The following CDH4 variants were observed in gnomAD, a reference collection of about 807,000 sequenced individuals.
CDH4 encodes cadherin 4.
A neutral mutation model predicts 86.0 loss-of-function variants in CDH4; 33 were observed. The ratio of observed to expected loss-of-function variants is 0.38; its 90% CI spans 0.29 to 0.51. The LOEUF (loss-of-function observed/expected upper bound fraction) is 0.51. Among genes scored for constraint, CDH4 ranks in the 20% least tolerant of loss-of-function variants. CDH4 has a pLI of 0.86. For missense variants in CDH4, 1,114 were observed against 1,307.4 expected (o/e 0.85, Z 2.28); for synonymous variants, 555 against 549.4 (o/e 1.01, Z -0.14).
At chr20:61,734,336 A>G (rs143543119) in intron 2 of CDH4, among the ~76,000 whole-genome samples, 79 of 152,368 alleles carry the variant, frequency 5.2e-4, no homozygotes, top group East Asian at 1.5e-3. Context: ...AACTGGCCCA[A>G]GCCTGGGCAG....
intron 2 of CDH4, among the ~76,000 whole-genome samples, chr20:61,596,626 C>G (rs1460539081): frequency 6.6e-6 from 1 of 152,160 alleles, no homozygotes; most frequent in Non-Finnish European, 1.5e-5. Context: ...CGGGTTGTAC[C>G]ACATCTTGAA....
intron 3 of CDH4, among the ~76,000 whole-genome samples, chr20:61,767,444 G>A (rs1047119470): frequency 1.6e-4 from 24 of 152,226 alleles, no homozygotes; most frequent in African/African-American, 4.3e-4. Flanking sequence ...GTTCCCTGCC[G>A]TGTGGAGTGT....
chr20:61,594,212 C>T (rs1412584580), intron 2 of CDH4, among the ~76,000 whole-genome samples: 2 of 92,174 alleles, frequency 2.2e-5, no homozygotes, highest in African/African-American at 4.5e-5. Flanking sequence ...GGAAAGGGGT[C>T]AGGGTGAAGA....
intron 2 of CDH4, among the ~76,000 whole-genome samples, chr20:61,263,171 C>T (rs2084137484): frequency 1.3e-5 from 2 of 152,126 alleles, no homozygotes; most frequent in African/African-American, 4.8e-5. Context: ...CAGGCTCCTT[C>T]AGTCCCCAGA....
intron 2 of CDH4, among the ~76,000 whole-genome samples, chr20:61,436,836 G>A (rs1258722301): frequency 3.9e-5 from 6 of 152,164 alleles, no homozygotes; most frequent in Non-Finnish European, 8.8e-5. Context: ...GGGGCCAACA[G>A]TGAGTCACTT....
At chr20:61,531,495 A>G (rs978509332) in intron 2 of CDH4, among the ~76,000 whole-genome samples, 6 of 89,016 alleles carry the variant, frequency 6.7e-5, no homozygotes, top group East Asian at 5.3e-4. Flanking sequence ...AAAAAAAAAA[A>G]GGGATTTAGC....
chr20:61,736,191 G>C (rs1230939051), intron 2 of CDH4, among the ~76,000 whole-genome samples: 1 of 152,144 alleles, frequency 6.6e-6, no homozygotes, highest in Non-Finnish European at 1.5e-5. Context: ...GCTGGCCGAG[G>C]GTCTTCCTGA....
chr20:61,604,981 G>A (rs2086631473), intron 2 of CDH4, among the ~76,000 whole-genome samples: 2 of 152,202 alleles, frequency 1.3e-5, no homozygotes, highest in Admixed American at 6.5e-5. Context: ...GCTTGCTGGG[G>A]TCTGGGTGAA....
At chr20:61,320,233 A>G (rs757916263) in intron 2 of CDH4, among the ~76,000 whole-genome samples, 1 of 152,044 alleles carries the variant, frequency 6.6e-6, no homozygotes, top group Non-Finnish European at 1.5e-5. Context: ...ATGCATGCTG[A>G]CTGTGTCTTC....
At chr20:61,556,815 G>A (rs1013800333) in intron 2 of CDH4, among the ~76,000 whole-genome samples, 1 of 152,158 alleles carries the variant, frequency 6.6e-6, no homozygotes, top group African/African-American at 2.4e-5. Flanking sequence ...TGTCAGACAA[G>A]GAGGGTGAAA....
chr20:61,934,778 CAG>C (rs1027396166), intron 15 of CDH4, among the ~76,000 whole-genome samples: 1 of 151,390 alleles, frequency 6.6e-6, no homozygotes, highest in Non-Finnish European at 1.5e-5. Context: ...GGGAGCCACA[CAG>C]AGGTGGCTGC....
intron 2 of CDH4, among the ~76,000 whole-genome samples, chr20:61,373,981 T>C (rs1034111327): frequency 6.7e-6 from 1 of 149,820 alleles, no homozygotes; most frequent in Non-Finnish European, 1.5e-5. Flanking sequence ...TGGTGTTCTC[T>C]AGAGGTGGGG....
At position 61,516,764 on chromosome 20, in the gene CDH4, C is replaced by T. The variant is rs552953408; in HGVS notation, c.170-226799C>T. 1.3e-5 allele frequency among the ~76,000 whole-genome samples: 2 copies of T among 152,272 alleles called. No individual in the cohort carries two copies. Among genetic ancestry groups the T allele is most frequent in the Admixed American group, 1.3e-4 (2 of 15,294 alleles). Reference sequence around the variant, plus strand: ...GCACTAAAAATAACCAGGCTCCGTTCCCAGGTCAGTGAGTGTCGGTTTGGC... The same window carrying T: ...GCACTAAAAATAACCAGGCTCCGTTTCCAGGTCAGTGAGTGTCGGTTTGGC... On this transcript the variant is annotated intron_variant, in intron 2 of 15. Transcript: ENST00000614565. This position sits in a 1 kb window ranked among gnomAD's most constrained non-coding sequence, Gnocchi z 4.0.
intron 4 of CDH4, among the ~76,000 whole-genome samples, chr20:61,795,826 C>CATGAGTGAATGAATGA (rs1555839795): frequency 3.3e-5 from 1 of 30,742 alleles, no homozygotes; most frequent in East Asian, 8.6e-4. Context: ...AGCAATGTTG[C>CATGAGTGAATGAATGA]ATGAGTGAAT....
intron 2 of CDH4, among the ~76,000 whole-genome samples, chr20:61,730,790 C>T (rs536422423): frequency 1.9e-3 from 290 of 152,164 alleles, no homozygotes; most frequent in Non-Finnish European, 2.9e-3. Flanking sequence ...GATGAGCCTT[C>T]CAGAAACGCC....
chr20:61,466,065 T>C (rs2085470021), intron 2 of CDH4, among the ~76,000 whole-genome samples: 5 of 152,140 alleles, frequency 3.3e-5, no homozygotes, highest in Admixed American at 3.3e-4. Flanking sequence ...GCTCACCACG[T>C]GGATTGCATA....
intron 2 of CDH4, among the ~76,000 whole-genome samples, chr20:61,525,808 G>T (rs1204735700): frequency 6.6e-6 from 1 of 152,160 alleles, no homozygotes; most frequent in East Asian, 1.9e-4. Context: ...CAGGGAGGAA[G>T]ACTCTCTCTG....
intron 2 of CDH4, among the ~76,000 whole-genome samples, chr20:61,608,195 A>G (rs1487088761): frequency 1.3e-5 from 2 of 152,186 alleles, no homozygotes; most frequent in African/African-American, 4.8e-5. Context: ...TCTGCTTGTC[A>G]TAACGCTTGA....
At chr20:61,688,618 G>A (rs543438487) in intron 2 of CDH4, among the ~76,000 whole-genome samples, 16 of 152,290 alleles carry the variant, frequency 1.1e-4, no homozygotes, top group South Asian at 2.1e-4. Flanking sequence ...CTGCAGCTCC[G>A]GAGCCTTCAC....
Sources: gnomAD v4.1 joint callset for allele counts (sites outside exome capture counted in the v4.1 genomes callset) on GRCh38, gnomAD v4.1.1 for gene constraint, Gnocchi (gnomAD v3.1) non-coding constraint, MANE v1.5 for transcripts, NCBI Gene and HGNC (gene_info 2026-07-23, HGNC 2026-07-21) for gene names.